Variants in TEX9 observed in about 807,000 individuals in gnomAD.
TEX9 encodes testis-expressed protein 9.
A neutral mutation model predicts 59.6 loss-of-function variants in TEX9; 74 were observed. The observed-to-expected ratio is 1.24, with a 90% CI of 1.03 to 1.51. TEX9 has a LOEUF of 1.51. TEX9 is among the 40% of genes most tolerant of loss of function. The pLI is 0.00. For synonymous variants in TEX9, 186 were observed against 152.2 expected, an observed-to-expected ratio of 1.22 and a Z score of -1.64; for missense variants, 522 against 447.8, an observed-to-expected ratio of 1.17 and a Z score of -1.49.
chr15:56,335,603 T>C (rs1232025836), intron 1 of TEX9, among the ~76,000 whole-genome samples: 2 of 152,206 alleles, frequency 1.3e-5, no homozygotes, highest in Non-Finnish European at 2.9e-5. Flanking sequence ...AGGGTGATTA[T>C]AGTAAAAACT....
intron 1 of TEX9, among the ~76,000 whole-genome samples, chr15:56,278,577 G>A (rs1347808051): frequency 2.0e-5 from 3 of 152,166 alleles, no homozygotes; most frequent in African/African-American, 7.2e-5. Context: ...TCTAGAAAAT[G>A]TCTTTATGGG....
intron 1 of TEX9, among the ~76,000 whole-genome samples, chr15:56,301,835 T>A (rs12914647): frequency 0.36 from 55,442 of 151,958 alleles, 11,869 homozygotes; most frequent in Middle Eastern, 0.57. Context: ...TAGTGAGCAA[T>A]AAGAAATCAT....
At chr15:56,296,110 A>G (rs1384205043) in intron 1 of TEX9, among the ~76,000 whole-genome samples, 1 of 152,164 alleles carries the variant, frequency 6.6e-6, no homozygotes, top group African/African-American at 2.4e-5. Context: ...CTTCTGTTCC[A>G]TCTTAAATTC....
At chr15:56,447,451 G>GT (rs1364257027), downstream of TEX9, 1 of 151,146 alleles carries the variant, frequency 6.6e-6, no homozygotes, top group African/African-American at 2.5e-5. Flanking sequence ...TAATTATTTG[G>GT]TTTTTTAAAA....
At chr15:56,370,976 C>A (rs573417543) in intron 2 of TEX9, among the ~76,000 whole-genome samples, 1 of 152,262 alleles carries the variant, frequency 6.6e-6, no homozygotes, top group Admixed American at 6.5e-5. Context: ...CATTCCTCAG[C>A]CTCCCCAGTA....
the TEX9 span, among the ~76,000 whole-genome samples, chr15:56,454,687 CATA>C: frequency 6.6e-6 from 1 of 152,148 alleles, no homozygotes; most frequent in African/African-American, 2.4e-5. Flanking sequence ...CATCTCCTCA[CATA>C]ATGCTTCTGT....
chr15:56,441,296 A>G (rs555469954), intron 12 of TEX9, among the ~76,000 whole-genome samples: 2 of 152,084 alleles, frequency 1.3e-5, no homozygotes, highest in South Asian at 4.2e-4. Flanking sequence ...GACTTCCTTT[A>G]TGTCCTAGAA....
chr15:56,443,091 G>C (rs2050847014), intron 12 of TEX9, among the ~76,000 whole-genome samples: 1 of 152,080 alleles, frequency 6.6e-6, no homozygotes, highest in Non-Finnish European at 1.5e-5. Context: ...AGTTGACTTT[G>C]TCTCATATTA....
intron 1 of TEX9, among the ~76,000 whole-genome samples, chr15:56,271,405 C>T (rs189846937): frequency 2.0e-4 from 30 of 152,118 alleles, no homozygotes; most frequent in Middle Eastern, 3.4e-3. Context: ...TCACTGATAC[C>T]CTTTCTTCCA....
At chr15:56,316,400 G>A (rs1323489162) in intron 1 of TEX9, among the ~76,000 whole-genome samples, 8 of 148,992 alleles carry the variant, frequency 5.4e-5, no homozygotes, top group Non-Finnish European at 8.9e-5. Context: ...GTCTGTTGGA[G>A]TACCCTGCCG....
At chr15:56,249,127 CAAAA>C (rs2043944373) in intron 1 of TEX9, 1 of 152,120 alleles carries the variant, frequency 6.6e-6, no homozygotes, top group African/African-American at 2.4e-5. Context: ...AAAAAACAAA[CAAAA>C]GGTGTGTGAC....
chr15:56,365,565 T>C lies in TEX9; in HGVS notation c.28-14T>C. On this transcript the variant is annotated splice_polypyrimidine_tract_variant and intron_variant, in intron 1 of 12. Transcript: ENST00000352903. ...CTTTAACTTCGGGTCTGAAAGTCTG[T>C]GGCTCTTTTACAGAGAAGCAGCGTT... The C allele has an allele frequency of 6.2e-7, 1 of 1,614,200 alleles. No individual in the cohort carries two copies. Among genetic ancestry groups the C allele is most frequent in the South Asian group, 1.1e-5 (1 of 91,086 alleles).
At chr15:56,315,975 C>T (rs376841305) in intron 1 of TEX9, among the ~76,000 whole-genome samples, 2 of 151,774 alleles carry the variant, frequency 1.3e-5, no homozygotes, top group East Asian at 1.9e-4. Flanking sequence ...CTTCACGTAG[C>T]TCTCGAGCCT....
chr15:56,250,356 G>T lies in TEX9; in HGVS notation c.-107+6078G>T, dbSNP rs561645648. Among the ~76,000 whole-genome samples, 60 of 152,182 alleles carry T rather than the reference G, an allele frequency of 3.9e-4. 1 individual carries two copies. The highest frequency in any genetic ancestry group is 4.7e-4 in the Non-Finnish European group (32 of 68,038). On this transcript the variant is annotated intron_variant, in intron 1 of 5. Transcript: ENST00000560827. ...GGAGGACTTGGGATGGAGCTAGAGTGTGAGTAAAATGAAGGATTTATAAAG... is the reference window on the plus strand; with the variant it reads ...GGAGGACTTGGGATGGAGCTAGAGTTTGAGTAAAATGAAGGATTTATAAAG...
intron 2 of TEX9, among the ~76,000 whole-genome samples, chr15:56,366,912 A>T (rs1370037718): frequency 6.6e-6 from 1 of 152,242 alleles, no homozygotes; most frequent in Non-Finnish European, 1.5e-5. Flanking sequence ...TGGGCCGATT[A>T]TCCCAGTTCA....
At chr15:56,377,220 G>A (rs943783451) in intron 3 of TEX9, among the ~76,000 whole-genome samples, 1 of 152,014 alleles carries the variant, frequency 6.6e-6, no homozygotes, top group South Asian at 2.1e-4. Context: ...TTTGCTTAGG[G>A]TAGCTTTGGC....
chr15:56,411,998 T>G (rs1170810849), intron 9 of TEX9, among the ~76,000 whole-genome samples: 1 of 152,124 alleles, frequency 6.6e-6, no homozygotes. Flanking sequence ...GTTTATAAAA[T>G]AGAGGACAGG....
At chr15:56,259,302 C>A (rs2044212299) in intron 1 of TEX9, among the ~76,000 whole-genome samples, 2 of 152,020 alleles carry the variant, frequency 1.3e-5, no homozygotes, top group African/African-American at 4.8e-5. Context: ...GCAACAAAGA[C>A]TGTATGACCT....
intron 1 of TEX9, among the ~76,000 whole-genome samples, chr15:56,285,339 G>T (rs144105316): frequency 6.6e-6 from 1 of 152,140 alleles, no homozygotes; most frequent in East Asian, 1.9e-4. Flanking sequence ...AACAGAGGTC[G>T]TAGATAATTT....
Sources: allele counts gnomAD v4.1 joint callset (sites outside exome capture counted in the v4.1 genomes callset), GRCh38; gene constraint gnomAD v4.1.1; transcripts MANE v1.5; gene names NCBI Gene and HGNC (gene_info 2026-07-23, HGNC 2026-07-21).